The following MEGF11 variants were observed in gnomAD, a reference collection of about 807,000 sequenced individuals.
MEGF11 encodes multiple epidermal growth factor-like domains protein 11.
In MEGF11, 126 loss-of-function variants were observed where a neutral mutation model predicts 146.6. The observed-to-expected ratio is 0.86, with a 90% CI of 0.74 to 1.00. The LOEUF (loss-of-function observed/expected upper bound fraction) is 1.00, where lower values mean the gene tolerates loss of function less well. MEGF11 is among the 50% of genes least tolerant of loss of function. The pLI is 0.00. For missense variants in MEGF11, 1,509 were observed against 1,521.2 expected (o/e 0.99, Z 0.13); for synonymous variants, 532 against 583.4 (o/e 0.91, Z 1.27).
chr15:65,981,391 G>T (rs2081633527), intron 6 of MEGF11, among the ~76,000 whole-genome samples: 1 of 152,190 alleles, frequency 6.6e-6, no homozygotes, highest in African/African-American at 2.4e-5. Flanking sequence ...CCCATGACAG[G>T]CTCATTTGCA....
At chr15:66,050,417 C>T (rs923472079) in intron 5 of MEGF11, among the ~76,000 whole-genome samples, 2 of 152,168 alleles carry the variant, frequency 1.3e-5, no homozygotes, top group African/African-American at 2.4e-5. Context: ...AGACCTGAAG[C>T]GAGCAGTGAG....
intron 1 of MEGF11, among the ~76,000 whole-genome samples, chr15:66,170,938 C>T (rs1044482171): frequency 3.3e-5 from 5 of 152,252 alleles, no homozygotes; most frequent in Non-Finnish European, 2.9e-5. Context: ...GCTCCAAAGC[C>T]CTGCCCCGGG....
intron 5 of MEGF11, among the ~76,000 whole-genome samples, chr15:66,082,507 ATCTATCT>A (rs1567232411): frequency 4.3e-5 from 6 of 139,434 alleles, no homozygotes; most frequent in East Asian, 2.1e-4. Context: ...CTATCTATCT[ATCTATCT>A]ATAAATAAAT....
intron 5 of MEGF11, among the ~76,000 whole-genome samples, chr15:66,014,973 A>G (rs1166456927): frequency 6.6e-6 from 1 of 152,178 alleles, no homozygotes; most frequent in Admixed American, 6.5e-5. Context: ...GAGGAAAAAA[A>G]AAAAGTCCTG....
chr15:66,209,701 G>A (rs1302258516), intron 1 of MEGF11, among the ~76,000 whole-genome samples: 1 of 151,214 alleles, frequency 6.6e-6, no homozygotes, highest in Non-Finnish European at 1.5e-5. Context: ...TAACATTCTT[G>A]AAATGAGAAT....
chr15:65,901,056 T>C (rs901052558), intron 24 of MEGF11, among the ~76,000 whole-genome samples: 3 of 152,236 alleles, frequency 2.0e-5, no homozygotes, highest in Admixed American at 6.5e-5. Context: ...GGAGACCCCA[T>C]GTGCACAGGT....
At chr15:65,920,374 C>T (rs1298399967) in intron 15 of MEGF11, among the ~76,000 whole-genome samples, 2 of 152,226 alleles carry the variant, frequency 1.3e-5, no homozygotes, top group Non-Finnish European at 2.9e-5. Flanking sequence ...GCTGCCCAGC[C>T]TCTTCTTTCC....
intron 10 of MEGF11, among the ~76,000 whole-genome samples, chr15:65,940,121 A>T (rs931576135): frequency 6.6e-6 from 1 of 152,130 alleles, no homozygotes; most frequent in African/African-American, 2.4e-5. Context: ...CTGTGGCATG[A>T]AAGGGGCACA....
At chr15:65,953,605 C>T (rs72742831) in intron 10 of MEGF11, among the ~76,000 whole-genome samples, 35 of 152,332 alleles carry the variant, frequency 2.3e-4, no homozygotes, top group Admixed American at 5.9e-4. Flanking sequence ...ATTACTAGAA[C>T]ACAGGTTCCT....
chr15:65,954,666 T>C (rs897698506), intron 10 of MEGF11, among the ~76,000 whole-genome samples: 3 of 152,228 alleles, frequency 2.0e-5, no homozygotes, highest in Non-Finnish European at 4.4e-5. Flanking sequence ...GACTCTGGCA[T>C]GCACCTGTGC....
chr15:66,055,009 T>C (rs1474808385), intron 5 of MEGF11, among the ~76,000 whole-genome samples: 2 of 152,154 alleles, frequency 1.3e-5, no homozygotes, highest in East Asian at 1.9e-4. Flanking sequence ...GGTGTAGACA[T>C]GGAATCTGGA....
intron 18 of MEGF11, 151 bp downstream of exon 18, chr15:65,915,997 T>C: frequency 9.8e-7 from 1 of 1,015,672 alleles, no homozygotes; most frequent in Non-Finnish European, 1.4e-6. Flanking sequence ...GGCATGACCT[T>C]CCTCAGCATT....
At chr15:65,972,897 G>C (rs552776362) in intron 7 of MEGF11, among the ~76,000 whole-genome samples, 1 of 152,302 alleles carries the variant, frequency 6.6e-6, no homozygotes, top group South Asian at 2.1e-4. Flanking sequence ...GGCTGAGGTG[G>C]GTGGATCACC....
chr15:66,131,853 T>TA (rs2088658874), intron 1 of MEGF11, among the ~76,000 whole-genome samples: 1 of 152,202 alleles, frequency 6.6e-6, no homozygotes. Context: ...CTCTTCCCAG[T>TA]GACACAGCTC....
intron 1 of MEGF11, among the ~76,000 whole-genome samples, chr15:66,239,601 T>C (rs1392112634): frequency 6.6e-6 from 1 of 152,152 alleles, no homozygotes; most frequent in Non-Finnish European, 1.5e-5. Context: ...CTACCAGTGG[T>C]CTCATCTAAC....
intron 5 of MEGF11, among the ~76,000 whole-genome samples, chr15:66,030,732 C>G (rs1872823825): frequency 6.6e-6 from 1 of 152,098 alleles, no homozygotes; most frequent in Admixed American, 6.6e-5. Flanking sequence ...TACATACAGG[C>G]TTTGGAGCCC....
chr15:66,090,349 A>C (rs2086272358), intron 5 of MEGF11, among the ~76,000 whole-genome samples: 1 of 152,232 alleles, frequency 6.6e-6, no homozygotes, highest in African/African-American at 2.4e-5. Context: ...CATAAGAAGA[A>C]TCACTACAGC....
chr15:65,978,692 T>C (rs1334627862), intron 7 of MEGF11, among the ~76,000 whole-genome samples: 1 of 152,244 alleles, frequency 6.6e-6, no homozygotes, highest in Non-Finnish European at 1.5e-5. Context: ...GGTGGATTTC[T>C]GAAAGCTGGT....
intron 5 of MEGF11, among the ~76,000 whole-genome samples, chr15:66,064,340 G>A (rs2085027881): frequency 6.6e-6 from 1 of 152,044 alleles, no homozygotes; most frequent in Non-Finnish European, 1.5e-5. Flanking sequence ...CTGCACTCCA[G>A]CCTGGGCAAC....
Sources: allele counts gnomAD v4.1 joint callset (sites outside exome capture counted in the v4.1 genomes callset), GRCh38; gene constraint gnomAD v4.1.1; transcripts MANE v1.5; gene names NCBI Gene and HGNC (gene_info 2026-07-23, HGNC 2026-07-21).